Variants in SYK observed in about 807,000 individuals in gnomAD.
SYK encodes the protein tyrosine-protein kinase SYK.
A neutral mutation model predicts 77.8 loss-of-function variants in SYK; 16 were observed. The observed-to-expected ratio is 0.21, with a 90% CI of 0.14 to 0.31. The LOEUF (loss-of-function observed/expected upper bound fraction) is 0.31. SYK is among the 10% of genes least tolerant of loss of function. The pLI is 1.00. For missense variants in SYK, 529 were observed against 814.4 expected (o/e 0.65, Z 4.26); for synonymous variants, 312 against 308.7 (o/e 1.01, Z -0.11).
Position 90,810,205 on chromosome 9 carries a change from A to G in SYK, c.-42+8312A>G, listed in dbSNP as rs115806203. On this transcript the variant is annotated intron_variant, in intron 1 of 13. Transcript: ENST00000375754. ...TGTGTCGCCTCCCAACTCTGAGCCA[A>G]AGAGACTGAGGTCAGGATGTCCCAG... Among the ~76,000 whole-genome samples, 1,153 of 152,240 alleles carry G rather than the reference A, an allele frequency of 7.6e-3. 14 individuals carry two copies. The highest frequency in any genetic ancestry group is 0.026 in the African/African-American group (1,095 of 41,532).
intron 13 of SYK, among the ~76,000 whole-genome samples, chr9:90,893,679 TC>T (rs1424899012): frequency 6.6e-6 from 1 of 152,122 alleles, no homozygotes; most frequent in African/African-American, 2.4e-5. Context: ...TTATATAAAA[TC>T]ACACACTGGA....
At chr9:90,852,409 C>T (rs1000841077) in intron 3 of SYK, among the ~76,000 whole-genome samples, 2 of 152,230 alleles carry the variant, frequency 1.3e-5, no homozygotes, top group African/African-American at 4.8e-5. Flanking sequence ...AATTCTCCCA[C>T]ACACATCGCT....
chr9:90,856,827 G>C (rs1273621939), intron 3 of SYK, among the ~76,000 whole-genome samples: 2 of 151,924 alleles, frequency 1.3e-5, no homozygotes, highest in African/African-American at 4.8e-5. Flanking sequence ...TGATCTTTCT[G>C]AGCTTATGCC....
intron 4 of SYK, among the ~76,000 whole-genome samples, chr9:90,864,222 C>G (rs1332181676): frequency 6.6e-6 from 1 of 152,218 alleles, no homozygotes; most frequent in Non-Finnish European, 1.5e-5. Context: ...CACAGACCAA[C>G]TCTGGCTCTC....
intron 1 of SYK, among the ~76,000 whole-genome samples, chr9:90,824,776 T>C (rs1433194697): frequency 6.6e-6 from 1 of 151,516 alleles, no homozygotes; most frequent in African/African-American, 2.4e-5. Context: ...TCATACTTAA[T>C]GGTGAGAGAC....
chr9:90,837,651 T>C (rs1190152786), intron 1 of SYK, among the ~76,000 whole-genome samples: 2 of 152,092 alleles, frequency 1.3e-5, no homozygotes, highest in Non-Finnish European at 2.9e-5. Context: ...TGAGCCTCAC[T>C]CCACCTTCAG....
At chr9:90,881,838 CGA>C (rs1385394922) in intron 11 of SYK, among the ~76,000 whole-genome samples, 1 of 152,118 alleles carries the variant, frequency 6.6e-6, no homozygotes, top group Non-Finnish European at 1.5e-5. Context: ...CAGCTCCTTC[CGA>C]GAGCAAACAC....
At chr9:90,864,766 CT>C in intron 5 of SYK, 99 bp downstream of exon 5, 1 of 1,021,526 alleles carries the variant, frequency 9.8e-7, no homozygotes. Flanking sequence ...TGGATGAGGA[CT>C]TCTTTTTACG....
At chr9:90,840,174 C>T (rs1244656754) in intron 1 of SYK, among the ~76,000 whole-genome samples, 2 of 152,154 alleles carry the variant, frequency 1.3e-5, no homozygotes, top group African/African-American at 4.8e-5. Flanking sequence ...GGGTTCCTGG[C>T]TGGGACACCG....
intron 3 of SYK, among the ~76,000 whole-genome samples, chr9:90,848,573 T>C (rs546445803): frequency 6.6e-6 from 1 of 152,328 alleles, no homozygotes; most frequent in South Asian, 2.1e-4. Flanking sequence ...CCAGCTGCTG[T>C]TTTTTTCCCA....
intron 1 of SYK, among the ~76,000 whole-genome samples, chr9:90,831,983 A>T (rs373606922): frequency 7.2e-5 from 11 of 152,236 alleles, no homozygotes; most frequent in African/African-American, 2.4e-4. Flanking sequence ...ACTTTCAGGC[A>T]TGAGTTATTG....
intron 6 of SYK, among the ~76,000 whole-genome samples, chr9:90,866,870 G>A (rs1416498239): frequency 1.3e-5 from 2 of 152,188 alleles, no homozygotes; most frequent in African/African-American, 4.8e-5. Flanking sequence ...GCATGAGCTA[G>A]TGAATGTAAC....
Position 90,841,994 on chromosome 9 carries a change from T to C in SYK, c.-41-1864T>C, listed in dbSNP as rs111066140. 3.9e-3 allele frequency among the ~76,000 whole-genome samples: 530 copies of C among 137,176 alleles called. 5 individuals are homozygous for C. Among genetic ancestry groups the C allele is most frequent in the African/African-American group, 0.013 (519 of 39,586 alleles). 90.0% of individuals were successfully genotyped at this position (137,176 alleles called of 152,430 possible). On this transcript the variant is annotated intron_variant, in intron 1 of 13. Coordinates refer to ENST00000375754, the MANE Select transcript of SYK (RefSeq NM_003177.7). ...TGGAGTGTATGTAGTTTTTGTGTGT[T>C]GTGTGTGCAGTGTGTGATATGTGTA...
At chr9:90,850,048 T>C (rs904761629) in intron 3 of SYK, among the ~76,000 whole-genome samples, 2 of 152,210 alleles carry the variant, frequency 1.3e-5, no homozygotes, top group Non-Finnish European at 2.9e-5. Context: ...GGTGAGTCAT[T>C]CTTCTGCAGG....
Position 90,888,599 on chromosome 9 carries a change from G to T in SYK, c.1807G>T (p.Asp603Tyr). ...TGCAGGGTGTCCAAGAGAGATGTAC[G>T]ATCTCATGAATCTGTGCTGGACATA... is the stretch of plus-strand genomic sequence containing the variant. Reference protein sequence around the residue: ...CPAGCPREMYDLMNLCWTYDV... With the variant: ...CPAGCPREMYYLMNLCWTYDV... Residue 603 changes from aspartate to tyrosine, a missense_variant, in exon 13 of 14, where the codon GAT (aspartate) becomes TAT (tyrosine). Physicochemically the swap from Asp to Tyr is radical, Grantham distance 160 (BLOSUM62 -3). Transcript: ENST00000375754. 6.2e-7 allele frequency: 1 copy of T among 1,609,446 alleles called. No homozygotes were observed. Among genetic ancestry groups the T allele is most frequent in the Non-Finnish European group, 8.5e-7 (1 of 1,178,100 alleles).
chr9:90,829,820 C>T (rs1350323523), intron 1 of SYK, among the ~76,000 whole-genome samples: 2 of 152,160 alleles, frequency 1.3e-5, no homozygotes, highest in Admixed American at 6.5e-5. Flanking sequence ...ATAATGTTAA[C>T]ACCAAAGCGT....
At chr9:90,844,363 C>G (rs375940286) in intron 2 of SYK, 48 bp downstream of exon 2, 3 of 1,491,138 alleles carry the variant, frequency 2.0e-6, no homozygotes, top group East Asian at 4.7e-5. Flanking sequence ...GCCCTGTGAC[C>G]CCACACAGAC....
Position 90,844,231 on chromosome 9 carries a change from A to G in SYK, c.333A>G (p.Gln111=), listed in dbSNP as rs1826490172. The G allele has an allele frequency of 6.2e-7, 1 of 1,614,060 alleles. No homozygotes were observed. Among genetic ancestry groups the G allele is most frequent in the East Asian group, 2.2e-5 (1 of 44,886 alleles). ...TCAAGAAGCCCTTCAACCGGCCCCA[A>G]GGGGTGCAGCCCAAGACTGGGCCCT... ...CLLKKPFNRP[Q]GVQPKTGPFE... The change falls in exon 2 of 14, where the codon CAA becomes CAG. Residue 111 remains glutamine (Q), a synonymous_variant. Transcript: ENST00000375754.
chr9:90,852,241 G>T (rs561469080), intron 3 of SYK, among the ~76,000 whole-genome samples: 2 of 152,286 alleles, frequency 1.3e-5, no homozygotes, highest in South Asian at 4.1e-4. Flanking sequence ...GAGCTTCCCT[G>T]GCTGTGACTA....
Sources: gnomAD v4.1 joint callset for allele counts (sites outside exome capture counted in the v4.1 genomes callset) on GRCh38, gnomAD v4.1.1 for gene constraint, MANE v1.5 for transcripts, NCBI Gene and HGNC (gene_info 2026-07-23, HGNC 2026-07-21) for gene names.